The following PIERCE1 variants were observed in gnomAD, a reference collection of about 807,000 sequenced individuals.
PIERCE1 encodes piercer of microtubule wall 1, also known as piercer of microtubule wall 1 protein.
the PIERCE1 span, chr9:135,498,917 C>T: frequency 2.1e-6 from 1 of 479,730 alleles, no homozygotes; most frequent in South Asian, 2.6e-5. This position sits in a 1 kb window ranked among gnomAD's most constrained non-coding sequence, Gnocchi z 4.1. Context: ...CCCTAAAGAG[C>T]AGGCAGCCAG....
At chr9:135,499,678 G>T in the PIERCE1 span, 2 of 1,604,892 alleles carry the variant, frequency 1.2e-6, no homozygotes, top group Non-Finnish European at 8.5e-7. Flanking sequence ...AGCAGTGGAC[G>T]CCAGGACCAG....
At chr9:135,499,201 T>A in the PIERCE1 span, among the ~76,000 whole-genome samples, 1 of 152,234 alleles carries the variant, frequency 6.6e-6, no homozygotes, top group South Asian at 2.1e-4. Flanking sequence ...ATCCCAGTCA[T>A]CTCAATGCGA....
the PIERCE1 span, among the ~76,000 whole-genome samples, chr9:135,496,089 T>C: frequency 7.9e-5 from 12 of 152,024 alleles, no homozygotes; most frequent in African/African-American, 2.9e-4. Flanking sequence ...CTGAGGCAGG[T>C]GGATCGCCTC....
the PIERCE1 span, chr9:135,495,427 T>G: frequency 1.2e-6 from 2 of 1,612,830 alleles, no homozygotes; most frequent in Non-Finnish European, 1.7e-6. Context: ...TTCCAGCCCC[T>G]CAATCGCAGA....
chr9:135,499,704 C>G, the PIERCE1 span: 17 of 1,608,042 alleles, frequency 1.1e-5, no homozygotes, highest in Non-Finnish European at 1.4e-5. Context: ...CCCCAGCTTC[C>G]TCACCTGTAG....
the PIERCE1 span, among the ~76,000 whole-genome samples, chr9:135,495,847 G>T: frequency 3.3e-5 from 5 of 152,314 alleles, no homozygotes; most frequent in Non-Finnish European, 7.4e-5. Context: ...GGGGCCACCT[G>T]TGTGCCATCT....
At chr9:135,497,039 C>T in the PIERCE1 span, among the ~76,000 whole-genome samples, 4,853 of 152,302 alleles carry the variant, frequency 0.032, 283 homozygotes, top group African/African-American at 0.11. Flanking sequence ...TCAGGTGATC[C>T]ACCCGCCTCG....
the PIERCE1 span, chr9:135,495,442 T>C: frequency 6.2e-7 from 1 of 1,613,770 alleles, no homozygotes; most frequent in Non-Finnish European, 8.5e-7. Flanking sequence ...CGCAGATGGA[T>C]GGCCTGTTGA....
chr9:135,499,744 G>C, the PIERCE1 span: 1 of 1,607,902 alleles, frequency 6.2e-7, no homozygotes, highest in Non-Finnish European at 8.5e-7. Flanking sequence ...TGTTGAACCT[G>C]CCCGGCAGGT....
chr9:135,495,383 G>T, the PIERCE1 span: 1 of 1,535,948 alleles, frequency 6.5e-7, no homozygotes, highest in Non-Finnish European at 8.8e-7. Context: ...GATTTTCCAG[G>T]AGGCCCTGGG....
chr9:135,495,778 C>T, the PIERCE1 span, among the ~76,000 whole-genome samples: 2 of 152,158 alleles, frequency 1.3e-5, no homozygotes, highest in Admixed American at 1.3e-4. Context: ...TGCCCGATGC[C>T]TGGCACTTGC....
the PIERCE1 span, among the ~76,000 whole-genome samples, chr9:135,497,197 G>C: frequency 5.7e-4 from 87 of 152,338 alleles, 1 homozygote; most frequent in Admixed American, 1.9e-3. Flanking sequence ...CTGGAAAAGA[G>C]ACTCCAGACG....
the PIERCE1 span, chr9:135,495,559 C>T: frequency 6.2e-7 from 1 of 1,614,074 alleles, no homozygotes; most frequent in Non-Finnish European, 8.5e-7. Flanking sequence ...TGTTCCGGAA[C>T]ATTCCACCCG....
chr9:135,498,717 C>A, the PIERCE1 span: 2 of 1,519,520 alleles, frequency 1.3e-6, no homozygotes, highest in African/African-American at 2.7e-5. This position sits in a 1 kb window ranked among gnomAD's most constrained non-coding sequence, Gnocchi z 4.1. Context: ...TCTGCACAAG[C>A]CACAGCCTTG....
chr9:135,499,556 C>T, the PIERCE1 span: 1 of 1,058,702 alleles, frequency 9.4e-7, no homozygotes, highest in Non-Finnish European at 1.4e-6. Flanking sequence ...GCACGGTCGC[C>T]GCTCACTGGC....
chr9:135,498,556 C>T, the PIERCE1 span: 1 of 1,609,240 alleles, frequency 6.2e-7, no homozygotes, highest in African/African-American at 1.3e-5. The surrounding 1 kb of genome is among the most constrained non-coding windows in gnomAD (Gnocchi z 4.1). Flanking sequence ...ACCCCCTGCC[C>T]CCCATGCCCG....
the PIERCE1 span, chr9:135,499,705 T>C: frequency 6.2e-7 from 1 of 1,608,110 alleles, no homozygotes; most frequent in Non-Finnish European, 8.5e-7. Flanking sequence ...CCCAGCTTCC[T>C]CACCTGTAGC....
the PIERCE1 span, chr9:135,498,748 C>T: frequency 8.1e-7 from 1 of 1,241,104 alleles, no homozygotes; most frequent in South Asian, 1.2e-5. This position sits in a 1 kb window ranked among gnomAD's most constrained non-coding sequence, Gnocchi z 4.1. Context: ...ACGGCACTCC[C>T]CTGGAAATGC....
the PIERCE1 span, chr9:135,495,514 C>T: frequency 1.9e-6 from 3 of 1,614,080 alleles, no homozygotes; most frequent in Non-Finnish European, 1.7e-6. Context: ...CGGGGCCAGT[C>T]ACGATGCTTT....
Sources: allele counts gnomAD v4.1 joint callset (sites outside exome capture counted in the v4.1 genomes callset), GRCh38; gene constraint gnomAD v4.1.1; non-coding constraint Gnocchi (gnomAD v3.1); transcripts MANE v1.5; gene names NCBI Gene and HGNC (gene_info 2026-07-23, HGNC 2026-07-21).